SFPQ: variants seen among roughly 807,000 people sequenced by gnomAD.
The protein encoded by SFPQ is splicing factor proline and glutamine rich, also known as splicing factor, proline- and glutamine-rich.
In SFPQ, 11 loss-of-function variants were observed where a neutral mutation model predicts 72.9. The ratio of observed to expected loss-of-function variants is 0.15; its 90% CI spans 0.09 to 0.25. The LOEUF (loss-of-function observed/expected upper bound fraction) is 0.25. Among genes scored for constraint, SFPQ ranks in the 10% least tolerant of loss-of-function variants. SFPQ has a pLI of 1.00. For missense variants in SFPQ, 847 were observed against 993.3 expected, an observed-to-expected ratio of 0.85 and a Z score of 1.98; for synonymous variants, 506 against 367.3, an observed-to-expected ratio of 1.38 and a Z score of -4.32.
intron 1 of SFPQ, 25 bp from the exon 2 acceptor site, chr1:35,191,554 C>A: frequency 6.3e-7 from 1 of 1,574,906 alleles, no homozygotes; most frequent in Non-Finnish European, 8.7e-7. Context: ...AAGAAGTTTT[C>A]AAACACCAGA....
downstream of SFPQ, chr1:35,178,248 A>T: frequency 1.8e-6 from 2 of 1,095,562 alleles, no homozygotes; most frequent in Non-Finnish European, 2.2e-6. Context: ...AATTAGAATG[A>T]AAACTGTATT....
Position 35,184,369 on chromosome 1 carries a change from G to A in SFPQ, c.*87C>T, listed in dbSNP as rs72908970. The A allele has an allele frequency of 0.015, 23,785 of 1,565,832 alleles. 1,828 individuals are homozygous for A. The African/African-American group carries it at 0.22, about 15-fold the overall frequency. ...AACTGCTAACATCCATAAAAAGATA[G>A]CTTTCTTACTAAAATGCAAGAATTT... On this transcript the variant is annotated 3_prime_UTR_variant, in exon 10 of 10. Coordinates refer to ENST00000357214, the MANE Select transcript of SFPQ (RefSeq NM_005066.3).
intron 2 of SFPQ, 131 bp downstream of exon 2, chr1:35,191,210 G>T: frequency 1.1e-6 from 1 of 884,618 alleles, no homozygotes; most frequent in Non-Finnish European, 1.7e-6. Flanking sequence ...CATTTTTCCT[G>T]TAAGAATGGT....
At chr1:35,178,779 G>A (rs1639349003), downstream of SFPQ, 1 of 1,052,406 alleles carries the variant, frequency 9.5e-7, no homozygotes, top group Non-Finnish European at 1.1e-6. Context: ...TGAAGTAAGA[G>A]TTCCCTGTTG....
rs1363777815 is a variant in SFPQ, at chr1:35,190,684, G to A, written c.1319+10C>T. Reference sequence around the variant, plus strand: ...TGATAGAAATTATTAGAATAAACAAGACAACTTACGTCGTCAGTAAGAAAA... The same window carrying A: ...TGATAGAAATTATTAGAATAAACAAAACAACTTACGTCGTCAGTAAGAAAA... On this transcript the variant is annotated intron_variant, in intron 3 of 9. Coordinates refer to ENST00000357214, the MANE Select transcript of SFPQ (RefSeq NM_005066.3). The A allele has an allele frequency of 3.7e-6, 6 of 1,612,250 alleles. No individual in the cohort carries two copies. In the African/African-American group the frequency reaches 4.0e-5, roughly 11 times the overall value.
At position 35,191,414 on chromosome 1, in the gene SFPQ, C is replaced by T. The variant is rs755354622; in HGVS notation, c.944G>A (p.Arg315Lys). Residue 315 changes from arginine to lysine, a missense_variant, in exon 2 of 10, where the codon AGA (arginine) becomes AAA (lysine). This residue lies in a region of SFPQ where 35 missense variants were observed against 52.9 expected (regional missense o/e 0.66). Transcript: ENST00000357214. ...TGGTTCTCCATATTTAGCAAATAGTCTTTTGAATTCATCCTCCGTGATATC... is the reference window on the plus strand; with the variant it reads ...TGGTTCTCCATATTTAGCAAATAGTTTTTTGAATTCATCCTCCGTGATATC... ...PADITEDEFK[R>K]LFAKYGEPGE... 6.2e-7 allele frequency: 1 copy of T among 1,614,098 alleles called. No homozygotes were observed. The highest frequency in any genetic ancestry group is 8.5e-7 in the Non-Finnish European group (1 of 1,179,960).
chr1:35,185,924 G>A (rs1467422906), intron 9 of SFPQ, among the ~76,000 whole-genome samples: 1 of 152,076 alleles, frequency 6.6e-6, no homozygotes, highest in Non-Finnish European at 1.5e-5. Flanking sequence ...AGAACATAAG[G>A]TCAAATTAGA....
Position 35,192,706 on chromosome 1 carries a change from G to C in SFPQ, c.344C>G (p.Pro115Arg). The C allele has an allele frequency of 6.8e-7, 1 of 1,460,140 alleles. No individual in the cohort carries two copies. The highest frequency in any genetic ancestry group is 9.0e-7 in the Non-Finnish European group (1 of 1,113,308). 90.4% of individuals were successfully genotyped at this position (1,460,140 alleles called of 1,614,324 possible). A position where few individuals can be genotyped will look rare whatever the true frequency, so the allele number is the denominator to read the frequency against. ...GCTGCCTACTCCGGGAGCGGGGCCG[G>C]GTCCCTGAGCAACGACGGGCTTGGA... is the stretch of plus-strand genomic sequence containing the variant. ...DSSKPVVAQG[P>R]GPAPGVGSAP... Residue 115 changes from proline to arginine, a missense_variant, in exon 1 of 10, where the codon CCC becomes CGC. Around this residue, in one of 6 missense-constraint regions of SFPQ, gnomAD observed 498 missense variants for 405.1 expected, o/e 1.23. Coordinates refer to ENST00000357214, the MANE Select transcript of SFPQ (RefSeq NM_005066.3).
Position 35,190,674 on chromosome 1 carries a change from G to C in SFPQ, c.1319+20C>G. On this transcript the variant is annotated intron_variant, in intron 3 of 9. Coordinates refer to ENST00000357214, the MANE Select transcript of SFPQ (RefSeq NM_005066.3). The stretch of plus-strand genomic sequence containing the variant: ...TCATATAAGTTGATAGAAATTATTA[G>C]AATAAACAAGACAACTTACGTCGTC... The C allele has an allele frequency of 6.2e-7, 1 of 1,611,446 alleles. No homozygotes were observed. Among genetic ancestry groups the C allele is most frequent in the African/African-American group, 1.3e-5 (1 of 74,790 alleles).
In SFPQ at chr1:35,189,269, T is replaced by G. The variant is rs1639877688; in HGVS notation, c.1529A>C (p.Lys510Thr). The G allele has an allele frequency of 1.2e-6, 2 of 1,613,808 alleles. No individual in the cohort carries two copies. Among genetic ancestry groups the G allele is most frequent in the African/African-American group, 2.7e-5 (2 of 74,946 alleles). The change falls in exon 5 of 10, where the codon AAA (lysine) becomes ACA (threonine). Residue 510 changes from lysine to threonine, a missense_variant. Coordinates refer to ENST00000357214, the MANE Select transcript of SFPQ (RefSeq NM_005066.3). Reference sequence around the variant, plus strand: ...TTTGTCTTTTGCATCTTTCATGTTTTTTTCAACTTGTTCCCTTTGCTGTTT... The same window carrying G: ...TTTGTCTTTTGCATCTTTCATGTTTGTTTCAACTTGTTCCCTTTGCTGTTT... Reference protein sequence around the residue: ...MEKQQREQVEKNMKDAKDKLE... With the variant: ...MEKQQREQVETNMKDAKDKLE...
chr1:35,187,178 T>C (rs753323073), intron 8 of SFPQ, 25 bp downstream of exon 8: 2 of 1,614,010 alleles, frequency 1.2e-6, no homozygotes, highest in Non-Finnish European at 1.7e-6. Flanking sequence ...TCTACTTATA[T>C]CATTAATTTA....
chr1:35,189,133 A>G, intron 5 of SFPQ, 46 bp from the exon 6 acceptor site: 4 of 1,613,544 alleles, frequency 2.5e-6, no homozygotes, highest in Non-Finnish European at 3.4e-6. Flanking sequence ...AGGTTCTAAT[A>G]AGGTGAAAAA....
At position 35,184,084 on chromosome 1, in the gene SFPQ, G is replaced by C. The variant is rs565508850; in HGVS notation, c.*372C>G. On this transcript the variant is annotated 3_prime_UTR_variant, in exon 10 of 10. Transcript: ENST00000357214. Reference sequence around the variant, plus strand: ...CAATGTGGAATACGTAGCCTAATATGCATAGAAGCATGAATGGCAAAGTTG... The same window carrying C: ...CAATGTGGAATACGTAGCCTAATATCCATAGAAGCATGAATGGCAAAGTTG... 1.8e-5 allele frequency: 20 copies of C among 1,112,814 alleles called. No homozygotes were observed. The South Asian group carries it at 6.6e-4, about 37-fold the overall frequency. 68.9% of individuals were successfully genotyped at this position (1,112,814 alleles called of 1,614,324 possible).
chr1:35,191,023 G>A (rs1394334944), intron 2 of SFPQ, 28 bp from the exon 3 acceptor site: 2 of 1,588,778 alleles, frequency 1.3e-6, no homozygotes, highest in Non-Finnish European at 1.7e-6. Context: ...TCATGTTAAT[G>A]ACCTCAAAAT....
chr1:35,181,877 C>T, downstream of SFPQ: 3 of 985,180 alleles, frequency 3.0e-6, no homozygotes, highest in Non-Finnish European at 3.6e-6. Flanking sequence ...AGCTTACAAC[C>T]CTGAGTACAT....
intron 9 of SFPQ, 121 bp downstream of exon 9, chr1:35,186,880 G>T (rs1418021193): frequency 4.4e-6 from 4 of 902,340 alleles, no homozygotes; most frequent in East Asian, 2.5e-5. Context: ...GTATGAAATT[G>T]GTAGGGGAAA....
downstream of SFPQ, chr1:35,181,617 T>C (rs1362068753): frequency 9.4e-7 from 1 of 1,060,192 alleles, no homozygotes. Flanking sequence ...TTTTAAAGAT[T>C]AGGAGAAGTA....
intron 9 of SFPQ, among the ~76,000 whole-genome samples, chr1:35,185,413 T>TA (rs766489093): frequency 6.5e-4 from 99 of 152,346 alleles, no homozygotes; most frequent in Non-Finnish European, 1.2e-3. Flanking sequence ...TTCCATGTTT[T>TA]AGACACTTCC....
chr1:35,189,849 CCT>C (rs1365307795), intron 4 of SFPQ, among the ~76,000 whole-genome samples: 1 of 152,004 alleles, frequency 6.6e-6, no homozygotes, highest in Non-Finnish European at 1.5e-5. Context: ...ATTCTGGAAC[CCT>C]GAGGCAGGAG....
Sources: allele counts gnomAD v4.1 joint callset (sites outside exome capture counted in the v4.1 genomes callset), GRCh38; gene constraint gnomAD v4.1.1; regional missense constraint gnomAD v4.1.1; transcripts MANE v1.5; gene names NCBI Gene and HGNC (gene_info 2026-07-23, HGNC 2026-07-21).